Variants in LRRC4C observed in about 807,000 individuals in gnomAD.
LRRC4C encodes leucine-rich repeat-containing protein 4C.
LRRC4C carries 5 observed loss-of-function variants against 33.6 expected under a neutral mutation model. The observed-to-expected ratio is 0.15, with a 90% CI of 0.08 to 0.31. The LOEUF (loss-of-function observed/expected upper bound fraction) is 0.31. Ranked by LOEUF, LRRC4C falls within the 10% of genes least tolerant of loss-of-function variation. The pLI is 1.00. For missense variants in LRRC4C, 560 were observed against 796.7 expected (o/e 0.70, Z 3.58); for synonymous variants, 329 against 302.0 (o/e 1.09, Z -0.93).
At chr11:40,910,348 A>T (rs1592063167) in intron 2 of LRRC4C, among the ~76,000 whole-genome samples, 1 of 152,204 alleles carries the variant, frequency 6.6e-6, no homozygotes, top group African/African-American at 2.4e-5. Flanking sequence ...GAAGACTTCT[A>T]TCAAAAGACA....
At chr11:40,949,783 T>G (rs532047943) in intron 1 of LRRC4C, among the ~76,000 whole-genome samples, 1 of 151,626 alleles carries the variant, frequency 6.6e-6, no homozygotes, top group African/African-American at 2.4e-5. Context: ...TAAAGACCAT[T>G]GAGACTAGGA....
intron 2 of LRRC4C, among the ~76,000 whole-genome samples, chr11:40,731,406 C>A (rs1947578651): frequency 6.6e-6 from 1 of 152,124 alleles, no homozygotes; most frequent in Admixed American, 6.6e-5. Context: ...CATGACTGCT[C>A]CTGCTTTACC....
At chr11:40,938,792 G>A (rs1234626987) in intron 1 of LRRC4C, among the ~76,000 whole-genome samples, 2 of 152,170 alleles carry the variant, frequency 1.3e-5, no homozygotes, top group South Asian at 2.1e-4. Flanking sequence ...TTAAATGAAG[G>A]GAATTATTTA....
intron 4 of LRRC4C, among the ~76,000 whole-genome samples, chr11:40,255,708 T>C (rs775547926): frequency 2.6e-5 from 4 of 152,154 alleles, no homozygotes; most frequent in African/African-American, 7.2e-5. Context: ...ATCCACCCCA[T>C]GCATGTCAAT....
At chr11:41,139,074 A>C (rs2135894159) in intron 1 of LRRC4C, among the ~76,000 whole-genome samples, 1 of 152,268 alleles carries the variant, frequency 6.6e-6, no homozygotes, top group East Asian at 1.9e-4. Context: ...TGCATTTATT[A>C]TTTTAAAAAG....
intron 2 of LRRC4C, among the ~76,000 whole-genome samples, chr11:40,693,568 T>C (rs1945330829): frequency 6.6e-6 from 1 of 152,092 alleles, no homozygotes; most frequent in South Asian, 2.1e-4. Context: ...ATACAATCTG[T>C]GAGGTTGTTA....
At chr11:41,142,420 C>T (rs1341858298) in intron 1 of LRRC4C, among the ~76,000 whole-genome samples, 1 of 152,150 alleles carries the variant, frequency 6.6e-6, no homozygotes, top group African/African-American at 2.4e-5. Flanking sequence ...GAATGAGGCT[C>T]AAGAATCTGC....
intron 2 of LRRC4C, among the ~76,000 whole-genome samples, chr11:40,709,871 G>A (rs922009626): frequency 6.6e-6 from 1 of 152,028 alleles, no homozygotes; most frequent in Non-Finnish European, 1.5e-5. Flanking sequence ...ATATTTCTTG[G>A]AGGCTTTGTT....
intron 5 of LRRC4C, among the ~76,000 whole-genome samples, chr11:40,193,627 G>C (rs1419448954): frequency 6.6e-6 from 1 of 152,086 alleles, no homozygotes; most frequent in Non-Finnish European, 1.5e-5. Flanking sequence ...ACAGAAGAAG[G>C]CTTCAGAAGG....
At chr11:40,137,948 A>G (rs907757164) in intron 6 of LRRC4C, among the ~76,000 whole-genome samples, 5 of 152,218 alleles carry the variant, frequency 3.3e-5, no homozygotes, top group African/African-American at 1.2e-4. Flanking sequence ...CAAGAGACCA[A>G]AAAACACGGT....
At chr11:41,219,943 T>C (rs1947229818) in intron 1 of LRRC4C, among the ~76,000 whole-genome samples, 1 of 152,174 alleles carries the variant, frequency 6.6e-6, no homozygotes, top group African/African-American at 2.4e-5. Context: ...AAGCCCAGTT[T>C]CAGTAAGACA....
At chr11:40,593,143 C>T (rs950907396) in intron 3 of LRRC4C, among the ~76,000 whole-genome samples, 7 of 152,078 alleles carry the variant, frequency 4.6e-5, no homozygotes, top group African/African-American at 1.7e-4. Context: ...CAGAGAGAAA[C>T]CACAGAGAGA....
chr11:40,437,378 C>T (rs1054376836), intron 3 of LRRC4C, among the ~76,000 whole-genome samples: 4 of 152,028 alleles, frequency 2.6e-5, no homozygotes, highest in African/African-American at 4.8e-5. Flanking sequence ...TTAAAACTTT[C>T]CAATGACTTT....
At chr11:40,414,073 T>C (rs1248429555) in intron 3 of LRRC4C, among the ~76,000 whole-genome samples, 1 of 152,086 alleles carries the variant, frequency 6.6e-6, no homozygotes, top group Admixed American at 6.6e-5. Context: ...TGCAACAATA[T>C]TTACATATAA....
At chr11:40,692,291 G>T (rs1297109930) in intron 2 of LRRC4C, among the ~76,000 whole-genome samples, 2 of 151,916 alleles carry the variant, frequency 1.3e-5, no homozygotes, top group African/African-American at 4.8e-5. Context: ...CCAAGCAGGG[G>T]TGAGGTGGGG....
chr11:40,710,382 A>T (rs1025325179), intron 2 of LRRC4C, among the ~76,000 whole-genome samples: 1 of 151,860 alleles, frequency 6.6e-6, no homozygotes, highest in African/African-American at 2.4e-5. Context: ...TTTGGTGTGG[A>T]TATCCTTTTT....
chr11:41,315,488 A>T (rs947805109), intron 1 of LRRC4C, among the ~76,000 whole-genome samples: 7 of 152,184 alleles, frequency 4.6e-5, no homozygotes, highest in Non-Finnish European at 8.8e-5. Context: ...AGAGACTCTC[A>T]TGGAGAACTG....
chr11:40,749,470 A>G (rs1015072842), intron 2 of LRRC4C, among the ~76,000 whole-genome samples: 2 of 151,684 alleles, frequency 1.3e-5, no homozygotes, highest in Non-Finnish European at 2.9e-5. Flanking sequence ...AAAAAAAAAA[A>G]AAACCCTATA....
chr11:41,050,346 G>A (rs76298832), intron 1 of LRRC4C, among the ~76,000 whole-genome samples: 130 of 152,192 alleles, frequency 8.5e-4, no homozygotes, highest in Non-Finnish European at 1.6e-3. Context: ...GCCATGTTAC[G>A]TAGCTATACA....
Sources: gnomAD v4.1 joint callset for allele counts (sites outside exome capture counted in the v4.1 genomes callset) on GRCh38, gnomAD v4.1.1 for gene constraint, MANE v1.5 for transcripts, NCBI Gene and HGNC (gene_info 2026-07-23, HGNC 2026-07-21) for gene names.